The following SCN8A variants were observed in gnomAD, a reference collection of about 807,000 sequenced individuals.
SCN8A encodes the protein sodium voltage-gated channel alpha subunit 8.
In SCN8A, 30 loss-of-function variants were observed where a neutral mutation model predicts 184.1. That is an observed-to-expected ratio of 0.16 (90% CI 0.12 to 0.22). The LOEUF is 0.22. SCN8A is among the 10% of genes least tolerant of loss of function. SCN8A has a pLI of 1.00. For synonymous variants in SCN8A, 852 were observed against 907.0 expected, an observed-to-expected ratio of 0.94 and a Z score of 1.09; for missense variants, 1,057 against 2,498.9, an observed-to-expected ratio of 0.42 and a Z score of 12.30.
intron 1 of SCN8A, among the ~76,000 whole-genome samples, chr12:51,648,434 A>C (rs1350016113): frequency 6.6e-6 from 1 of 152,138 alleles, no homozygotes; most frequent in Admixed American, 6.5e-5. Flanking sequence ...CACTTTCTCT[A>C]TTCTTGAAAT....
intron 14 of SCN8A, among the ~76,000 whole-genome samples, chr12:51,759,491 T>C (rs1444232770): frequency 6.6e-6 from 1 of 152,234 alleles, no homozygotes; most frequent in Non-Finnish European, 1.5e-5. Context: ...ATCATGCTAC[T>C]CAGAACAGTA....
At chr12:51,596,703 A>T (rs1318520100) in intron 1 of SCN8A, among the ~76,000 whole-genome samples, 1 of 152,198 alleles carries the variant, frequency 6.6e-6, no homozygotes, top group East Asian at 1.9e-4. Flanking sequence ...TAAGTAGAAT[A>T]TGGATGAAAA....
intron 15 of SCN8A, among the ~76,000 whole-genome samples, chr12:51,764,567 G>A (rs1028641392): frequency 1.3e-5 from 2 of 151,952 alleles, no homozygotes; most frequent in African/African-American, 2.4e-5. Context: ...CCCAGGAGGC[G>A]GAGGTTGTAG....
At chr12:51,751,294 G>A in intron 13 of SCN8A, 61 bp from the exon 14 acceptor site, 1 of 1,077,754 alleles carries the variant, frequency 9.3e-7, no homozygotes, top group Non-Finnish European at 1.4e-6. Flanking sequence ...AGAGTGAGTA[G>A]TGTGTCCCCC....
At position 51,744,255 on chromosome 12, in the gene SCN8A, A is replaced by T. The variant is rs574925305; in HGVS notation, c.1999-1648A>T. Reference sequence around the variant, plus strand: ...GAGGCAGAGGTTGCGGTAAGCCGAGATCATGCCACTGCATTCCAGCCCGAG... The same window carrying T: ...GAGGCAGAGGTTGCGGTAAGCCGAGTTCATGCCACTGCATTCCAGCCCGAG... On this transcript the variant is annotated intron_variant, in intron 12 of 26. Transcript: ENST00000627620. Among the ~76,000 whole-genome samples the T allele has an allele frequency of 3.5e-4, 53 of 152,364 alleles. No homozygotes were observed. The South Asian group carries it at 0.011, about 31-fold the overall frequency.
chr12:51,770,948 A>G lies in SCN8A; in HGVS notation c.3645+265A>G, dbSNP rs34690825. On this transcript the variant is annotated intron_variant, in intron 19 of 26. Coordinates refer to ENST00000627620, the MANE Select transcript of SCN8A (RefSeq NM_001330260.2). ...TACCCCATCCTTAGCAGCCCCTAAAATGAACTTCCCTCTCTTACCTAATAC... is the reference window on the plus strand; with the variant it reads ...TACCCCATCCTTAGCAGCCCCTAAAGTGAACTTCCCTCTCTTACCTAATAC... Among the ~76,000 whole-genome samples the G allele has an allele frequency of 0.025, 3,872 of 152,264 alleles. 166 individuals carry two copies. The highest frequency in any genetic ancestry group is 0.088 in the African/African-American group (3,659 of 41,534).
At chr12:51,650,506 CT>C (rs71092715) in intron 1 of SCN8A, among the ~76,000 whole-genome samples, 64,739 of 101,016 alleles carry the variant, frequency 0.64, 20,028 homozygotes, top group East Asian at 0.75. Context: ...AAAAGGCACT[CT>C]TTTTTTTTTT....
In SCN8A at chr12:51,806,355, T is replaced by A. The variant is rs1330719632; in HGVS notation, c.4869T>A (p.Arg1623=). ...TATTCCGAGTCATCCGATTGGCCCG[T>A]ATTGGGCGCATCTTGCGTCTGATCA... is the stretch of plus-strand genomic sequence containing the variant. ...PTLFRVIRLA[R]IGRILRLIKG... is the part of the protein sequence containing the mutation. Residue 1623 remains arginine (R), a synonymous_variant, in exon 27 of 27, where the codon CGT becomes CGA. Coordinates refer to ENST00000627620, the MANE Select transcript of SCN8A (RefSeq NM_001330260.2). This position sits in a 1 kb window ranked among gnomAD's most constrained non-coding sequence, Gnocchi z 8.7. The A allele has an allele frequency of 6.3e-7, 1 of 1,588,626 alleles. No homozygotes were observed. The highest frequency in any genetic ancestry group is 8.6e-7 in the Non-Finnish European group (1 of 1,164,958).
chr12:51,720,223 C>G (rs1202513581), intron 11 of SCN8A, among the ~76,000 whole-genome samples: 1 of 149,732 alleles, frequency 6.7e-6, no homozygotes, highest in Non-Finnish European at 1.5e-5. Context: ...ACTATGTAAA[C>G]TTTTGATGAA....
rs184117315 is a variant in SCN8A at position 51,745,858 on chromosome 12, T to C, written c.1999-45T>C. On this transcript the variant is annotated intron_variant, in intron 12 of 26. Transcript: ENST00000627620. The stretch of plus-strand genomic sequence containing the variant: ...CAAGTAAGGCCCAGATTTACCTTTA[T>C]AGACTTAACTCACTCTATTTGCTTT... 6.5e-5 allele frequency: 96 copies of C among 1,485,432 alleles called. No homozygotes were observed. In the Admixed American group the frequency reaches 2.0e-3, roughly 31 times the overall value. 92.0% of individuals were successfully genotyped at this position (1,485,432 alleles called of 1,614,324 possible). A position where few individuals can be genotyped will look rare whatever the true frequency, so the allele number is the denominator to read the frequency against.
At chr12:51,780,312 T>G (rs1394475119) in intron 20 of SCN8A, 6 of 425,812 alleles carry the variant, frequency 1.4e-5, no homozygotes, top group Non-Finnish European at 2.8e-5. Context: ...CTCCTTCCAG[T>G]GGAACTTCCT....
chr12:51,629,305 G>T (rs1940145639), intron 1 of SCN8A, among the ~76,000 whole-genome samples: 1 of 152,088 alleles, frequency 6.6e-6, no homozygotes, highest in Non-Finnish European at 1.5e-5. Flanking sequence ...TTGGCCTTTG[G>T]CATTATTGAC....
At chr12:51,657,640 ATT>A (rs1940848012) in intron 1 of SCN8A, among the ~76,000 whole-genome samples, 1 of 152,034 alleles carries the variant, frequency 6.6e-6, no homozygotes, top group Admixed American at 6.6e-5. Context: ...ATATAATCCC[ATT>A]TGTCTATTTT....
In SCN8A at chr12:51,745,995, C is replaced by A. The variant is rs2138828891; in HGVS notation, c.2091C>A (p.Ile697=). Residue 697 remains isoleucine, a synonymous_variant, in exon 13 of 27, where the codon ATC becomes ATA. Coordinates refer to ENST00000627620, the MANE Select transcript of SCN8A (RefSeq NM_001330260.2). ...QLASYGRKDR[I]NSIMSVVTNT... ...CCTCCTACGGGCGGAAGGACAGAAT[C>A]AACAGTATAATGAGTGTTGTTACAA... The A allele has an allele frequency of 6.2e-7, 1 of 1,611,718 alleles. No individual in the cohort carries two copies. Among genetic ancestry groups the A allele is most frequent in the Non-Finnish European group, 8.5e-7 (1 of 1,178,892 alleles).
chr12:51,648,828 A>G (rs1209335252), intron 1 of SCN8A, among the ~76,000 whole-genome samples: 3 of 152,154 alleles, frequency 2.0e-5, no homozygotes, highest in East Asian at 1.9e-4. Flanking sequence ...TCCAAATCTC[A>G]TGTCCTCACA....
intron 3 of SCN8A, among the ~76,000 whole-genome samples, chr12:51,684,519 T>C (rs1384128100): frequency 6.6e-6 from 1 of 151,698 alleles, no homozygotes; most frequent in Non-Finnish European, 1.5e-5. Flanking sequence ...GAAATTTTGT[T>C]TGGTATCATT....
intron 2 of SCN8A, among the ~76,000 whole-genome samples, chr12:51,668,873 G>A (rs55702610): frequency 0.013 from 1,963 of 152,236 alleles, 18 homozygotes; most frequent in Non-Finnish European, 0.021. Flanking sequence ...GTCACTTAAC[G>A]ATGGGGGTAC....
chr12:51,778,740 T>G lies in SCN8A; in HGVS notation c.3820-1909T>G, dbSNP rs1327583334. Among the ~76,000 whole-genome samples the G allele has an allele frequency of 2.6e-5, 4 of 152,182 alleles. No homozygotes were observed. The East Asian group carries it at 7.7e-4, about 29-fold the overall frequency. Reference sequence around the variant, plus strand: ...AAGAATTAAAGCCCTAGGATAGAGATAAAAAGCAGCAAATGAAACTAATTT... The same window carrying G: ...AAGAATTAAAGCCCTAGGATAGAGAGAAAAAGCAGCAAATGAAACTAATTT... On this transcript the variant is annotated intron_variant, in intron 20 of 26. Transcript: ENST00000627620.
chr12:51,720,109 A>G (rs1942028288), intron 11 of SCN8A, among the ~76,000 whole-genome samples: 1 of 150,354 alleles, frequency 6.7e-6, no homozygotes, highest in Non-Finnish European at 1.5e-5. Context: ...TTCTTTAAGT[A>G]AATTTCTTTA....
Sources: gnomAD v4.1 joint callset for allele counts (sites outside exome capture counted in the v4.1 genomes callset) on GRCh38, gnomAD v4.1.1 for gene constraint, Gnocchi (gnomAD v3.1) non-coding constraint, MANE v1.5 for transcripts, NCBI Gene and HGNC (gene_info 2026-07-23, HGNC 2026-07-21) for gene names.